RALYL: variants seen among roughly 807,000 people sequenced by gnomAD.
RALYL encodes RALY RNA binding protein like.
Under a neutral mutation model 35.1 loss-of-function variants are expected in RALYL, and 29 were observed. The observed-to-expected ratio is 0.83, with a 90% CI of 0.61 to 1.13. The LOEUF (loss-of-function observed/expected upper bound fraction) is 1.13. Among genes scored for constraint, RALYL ranks in the 50% most tolerant of loss-of-function variants. RALYL has a pLI of 0.00. For synonymous variants in RALYL, 120 were observed against 127.6 expected (o/e 0.94, Z 0.40); for missense variants, 359 against 360.4 (o/e 1.00, Z 0.03).
chr8:84,870,468 A>G (rs918886645), intron 6 of RALYL, among the ~76,000 whole-genome samples: 10 of 151,740 alleles, frequency 6.6e-5, no homozygotes, highest in African/African-American at 2.4e-4. Context: ...ATGTTTGTGT[A>G]TAATTTTTGA....
chr8:84,647,308 T>C (rs986164464), intron 2 of RALYL, among the ~76,000 whole-genome samples: 1 of 152,010 alleles, frequency 6.6e-6, no homozygotes, highest in Non-Finnish European at 1.5e-5. Context: ...CTCTGGCATG[T>C]TTGCGGAACA....
chr8:84,578,120 G>T (rs1208539697), intron 2 of RALYL, among the ~76,000 whole-genome samples: 2 of 152,236 alleles, frequency 1.3e-5, no homozygotes, highest in Non-Finnish European at 2.9e-5. Context: ...GGCAAGGGGT[G>T]CATAAGTGAG....
Position 84,565,384 on chromosome 8 carries a change from C to CATCT in RALYL, c.256+35808_256+35811dup, listed in dbSNP as rs199928866. On this transcript the variant is annotated intron_variant, in intron 2 of 8. Transcript: ENST00000521268. ...AACATTTAACTTATGTAGCATCTAG[C>CATCT]ATCTCAACAGGAAATATTTATCTAA... Among the ~76,000 whole-genome samples, 149 of 151,606 alleles carry CATCT rather than the reference C, an allele frequency of 9.8e-4. 1 individual carries two copies. The East Asian group carries it at 0.022, about 22-fold the overall frequency.
chr8:84,387,162 A>G (rs1423724831), intron 1 of RALYL, among the ~76,000 whole-genome samples: 1 of 151,882 alleles, frequency 6.6e-6, no homozygotes, highest in Admixed American at 6.6e-5. Context: ...TGCCAGGGAC[A>G]TGGTAATAAA....
intron 1 of RALYL, among the ~76,000 whole-genome samples, chr8:84,490,263 A>G (rs1358284016): frequency 3.3e-5 from 5 of 151,816 alleles, no homozygotes; most frequent in Non-Finnish European, 4.4e-5. Flanking sequence ...CCTTTATACC[A>G]TCTCTTCTGC....
At chr8:84,790,928 A>G (rs1228027096) in intron 3 of RALYL, among the ~76,000 whole-genome samples, 1 of 152,200 alleles carries the variant, frequency 6.6e-6, no homozygotes, top group Non-Finnish European at 1.5e-5. Flanking sequence ...AATTTCATTT[A>G]GGTTATAATT....
chr8:84,910,317 G>T (rs78259629), intron 8 of RALYL, among the ~76,000 whole-genome samples: 6,197 of 152,150 alleles, frequency 0.041, 392 homozygotes, highest in African/African-American at 0.14. Flanking sequence ...AAAGATGTCA[G>T]AGAAAGATCT....
intron 6 of RALYL, among the ~76,000 whole-genome samples, 164 bp downstream of exon 6, chr8:84,862,617 ACCATACTGTGTTGCAGTAGGG>A (rs1340713311): frequency 6.6e-6 from 1 of 152,230 alleles, no homozygotes; most frequent in Non-Finnish European, 1.5e-5. Context: ...TCTGCTTTCC[ACCATACTGTGTTGCAGTAGGG>A]GAGACAAACA....
chr8:84,524,126 C>G (rs1451626952), intron 1 of RALYL, among the ~76,000 whole-genome samples: 1 of 152,024 alleles, frequency 6.6e-6, no homozygotes, highest in African/African-American at 2.4e-5. Context: ...GTTTACAGTC[C>G]CACCAACAGT....
intron 1 of RALYL, among the ~76,000 whole-genome samples, chr8:84,452,952 G>A (rs1392458911): frequency 2.0e-5 from 3 of 151,914 alleles, no homozygotes; most frequent in African/African-American, 7.2e-5. Context: ...AAGGGGCTGT[G>A]TTTACCTCGT....
intron 1 of RALYL, among the ~76,000 whole-genome samples, chr8:84,340,808 T>C (rs549255583): frequency 5.3e-5 from 8 of 152,242 alleles, no homozygotes; most frequent in African/African-American, 1.7e-4. Flanking sequence ...TAGACCCTGA[T>C]TTCAAATCTT....
chr8:84,535,587 C>T (rs1236146799), intron 2 of RALYL, among the ~76,000 whole-genome samples: 1 of 101,308 alleles, frequency 9.9e-6, no homozygotes, highest in Non-Finnish European at 2.2e-5. Context: ...AGGTGCCTGC[C>T]ACCACGCCCG....
At chr8:84,766,051 G>A in intron 2 of RALYL, among the ~76,000 whole-genome samples, 1 of 152,062 alleles carries the variant, frequency 6.6e-6, no homozygotes. Flanking sequence ...GCAAATGTCA[G>A]TTTATTGTAG....
At chr8:84,379,260 T>G (rs1036478793) in intron 1 of RALYL, among the ~76,000 whole-genome samples, 23 of 151,954 alleles carry the variant, frequency 1.5e-4, no homozygotes, top group African/African-American at 4.8e-4. Flanking sequence ...ATTATTTAAT[T>G]GTATTTCTAT....
intron 1 of RALYL, among the ~76,000 whole-genome samples, chr8:84,405,911 C>A (rs191503567): frequency 6.7e-6 from 1 of 148,674 alleles, no homozygotes; most frequent in Non-Finnish European, 1.5e-5. Flanking sequence ...GCTCTGCCTC[C>A]CGGGTTCACG....
At chr8:84,509,035 A>T (rs1488914318) in intron 1 of RALYL, among the ~76,000 whole-genome samples, 2 of 152,114 alleles carry the variant, frequency 1.3e-5, no homozygotes, top group Admixed American at 1.3e-4. Context: ...TGTATACTTT[A>T]AAAAAATGTA....
chr8:84,803,376 T>C (rs1401048550), intron 3 of RALYL, among the ~76,000 whole-genome samples: 2 of 152,206 alleles, frequency 1.3e-5, no homozygotes, highest in Non-Finnish European at 2.9e-5. Flanking sequence ...TCATGTCTTA[T>C]AAAGCAAATA....
chr8:84,374,210 C>A (rs957644548), intron 1 of RALYL, among the ~76,000 whole-genome samples: 3 of 151,880 alleles, frequency 2.0e-5, no homozygotes, highest in Admixed American at 6.6e-5. Context: ...TCTTCTTTTG[C>A]CTGATTACTC....
At chr8:84,847,197 G>A (rs1335513922) in intron 4 of RALYL, among the ~76,000 whole-genome samples, 1 of 152,192 alleles carries the variant, frequency 6.6e-6, no homozygotes, top group Non-Finnish European at 1.5e-5. Context: ...CCTATTTTCT[G>A]AGCAGATTCC....
Sources: gnomAD v4.1 joint callset for allele counts (sites outside exome capture counted in the v4.1 genomes callset) on GRCh38, gnomAD v4.1.1 for gene constraint, MANE v1.5 for transcripts, NCBI Gene and HGNC (gene_info 2026-07-23, HGNC 2026-07-21) for gene names.